ATP11B: variants seen among roughly 807,000 people sequenced by gnomAD.
ATP11B encodes phospholipid-transporting ATPase IF.
In ATP11B, 81 loss-of-function variants were observed where a neutral mutation model predicts 157.8. That is an observed-to-expected ratio of 0.51 (90% CI 0.43 to 0.62). The LOEUF (loss-of-function observed/expected upper bound fraction) is 0.62. Ranked by LOEUF, ATP11B falls within the 20% of genes least tolerant of loss-of-function variation. ATP11B has a pLI of 0.00. For synonymous variants in ATP11B, 451 were observed against 469.4 expected, an observed-to-expected ratio of 0.96 and a Z score of 0.51; for missense variants, 1,165 against 1,402.2, an observed-to-expected ratio of 0.83 and a Z score of 2.70.
At chr3:182,830,314 T>G (rs553384823) in intron 4 of ATP11B, among the ~76,000 whole-genome samples, 80 of 146,518 alleles carry the variant, frequency 5.5e-4, no homozygotes, top group African/African-American at 2.1e-3. Flanking sequence ...CAGAGTGAGA[T>G]CCTGTCTCAA....
intron 1 of ATP11B, among the ~76,000 whole-genome samples, chr3:182,807,855 C>A (rs1412942875): frequency 6.6e-6 from 1 of 151,950 alleles, no homozygotes; most frequent in Non-Finnish European, 1.5e-5. Flanking sequence ...GCGTGGTTTT[C>A]TCATTTTGGT....
chr3:182,835,794 G>A (rs1231016301), intron 4 of ATP11B, among the ~76,000 whole-genome samples: 1 of 152,080 alleles, frequency 6.6e-6, no homozygotes, highest in Non-Finnish European at 1.5e-5. Context: ...GCCTCCTTAA[G>A]GAAATTGAGA....
At chr3:182,903,001 T>C (rs1228316102) in intron 28 of ATP11B, among the ~76,000 whole-genome samples, 1 of 152,168 alleles carries the variant, frequency 6.6e-6, no homozygotes, top group Non-Finnish European at 1.5e-5. Context: ...TTTATGTTTG[T>C]GTATTGTAAT....
intron 29 of ATP11B, 156 bp from the exon 30 acceptor site, chr3:182,917,867 A>T: frequency 1.0e-5 from 10 of 982,878 alleles, no homozygotes; most frequent in Non-Finnish European, 1.2e-5. Context: ...ATAAATAGAA[A>T]GTTTGGGCAT....
In ATP11B at chr3:182,793,718, G is replaced by A. The variant is rs1715394707; in HGVS notation, c.-42G>A. The stretch of plus-strand genomic sequence containing the variant: ...TGTCGGCCTCCACCTGCAGCCCCGC[G>A]GCCCCCGCGCCCCGCGGGACCCGGA... On this transcript the variant is annotated 5_prime_UTR_variant, in exon 1 of 30. Coordinates refer to ENST00000323116, the MANE Select transcript of ATP11B (RefSeq NM_014616.3). 3 of 1,387,788 alleles carry A rather than the reference G, an allele frequency of 2.2e-6. No homozygotes were observed. The highest frequency in any genetic ancestry group is 6.5e-5 in the East Asian group (2 of 30,956). The allele number at this position is 1,387,788 out of a possible 1,614,324, so 86.0% of individuals were successfully genotyped here.
chr3:182,837,060 A>G lies in ATP11B; in HGVS notation c.553-11A>G, dbSNP rs746464929. ...ATCTGAAAACTCTACAGTTTAATTC[A>G]TTTTTTTCAGACACATGTGGCAGTT... On this transcript the variant is annotated splice_polypyrimidine_tract_variant and intron_variant, in intron 6 of 29. Coordinates refer to ENST00000323116, the MANE Select transcript of ATP11B (RefSeq NM_014616.3). The G allele has an allele frequency of 6.2e-7, 1 of 1,604,402 alleles. No homozygotes were observed. The highest frequency in any genetic ancestry group is 8.5e-7 in the Non-Finnish European group (1 of 1,172,928).
At chr3:182,829,603 T>G (rs1717975728) in intron 3 of ATP11B, 69 bp from the exon 4 acceptor site, 1 of 1,076,000 alleles carries the variant, frequency 9.3e-7, no homozygotes, top group Non-Finnish European at 1.4e-6. Flanking sequence ...ATGTGAAATT[T>G]TAGATGTTAA....
At chr3:182,878,792 T>C (rs1722225523) in intron 19 of ATP11B, among the ~76,000 whole-genome samples, 1 of 152,216 alleles carries the variant, frequency 6.6e-6, no homozygotes, top group Non-Finnish European at 1.5e-5. Context: ...TGAATCTTGC[T>C]CATGGGTTTT....
intron 21 of ATP11B, among the ~76,000 whole-genome samples, chr3:182,881,508 C>T (rs1465830563): frequency 6.6e-6 from 1 of 151,568 alleles, no homozygotes; most frequent in Non-Finnish European, 1.5e-5. Context: ...CGCCACTGCA[C>T]TCCAGCCTGG....
At position 182,872,487 on chromosome 3, in the gene ATP11B, G is replaced by A. The variant is rs758278249; in HGVS notation, c.1998G>A (p.Gln666=). ...AAGAGAAATTGGCAGCTGTTTTCCAGTTCATAGAGAAAGACCTGATATTAC... is the reference window on the plus strand; with the variant it reads ...AAGAGAAATTGGCAGCTGTTTTCCAATTCATAGAGAAAGACCTGATATTAC... The part of the protein sequence containing the change: ...QREEKLAAVF[Q]FIEKDLILLG... Residue 666 remains glutamine (Q), a synonymous_variant, in exon 18 of 30, where the codon CAG becomes CAA. Transcript: ENST00000323116. The A allele has an allele frequency of 1.2e-6, 2 of 1,614,120 alleles. No individual in the cohort carries two copies. Among genetic ancestry groups the A allele is most frequent in the East Asian group, 4.5e-5 (2 of 44,868 alleles).
intron 7 of ATP11B, among the ~76,000 whole-genome samples, chr3:182,839,695 C>T (rs1019385539): frequency 1.3e-5 from 2 of 152,010 alleles, no homozygotes; most frequent in African/African-American, 2.4e-5. Context: ...CTGCAACCCC[C>T]GGACTCCCGG....
chr3:182,821,188 C>G (rs1313306380), intron 2 of ATP11B, among the ~76,000 whole-genome samples: 1 of 152,118 alleles, frequency 6.6e-6, no homozygotes, highest in Non-Finnish European at 1.5e-5. Context: ...TGGCCCATTG[C>G]AACCTCTGCC....
intron 21 of ATP11B, among the ~76,000 whole-genome samples, chr3:182,882,712 C>A (rs1722511644): frequency 6.6e-6 from 1 of 152,012 alleles, no homozygotes; most frequent in African/African-American, 2.4e-5. Flanking sequence ...AAAGATCATG[C>A]AGAGGTAAAA....
At chr3:182,839,213 T>C (rs1394484933) in intron 7 of ATP11B, among the ~76,000 whole-genome samples, 1 of 152,134 alleles carries the variant, frequency 6.6e-6, no homozygotes, top group East Asian at 1.9e-4. Context: ...TCCTTACTTA[T>C]AAGTGGGAGC....
intron 19 of ATP11B, among the ~76,000 whole-genome samples, chr3:182,875,719 G>A (rs1310360600): frequency 6.6e-6 from 1 of 152,144 alleles, no homozygotes; most frequent in Non-Finnish European, 1.5e-5. Flanking sequence ...GGGATTATAG[G>A]TGTGAGCCAC....
At chr3:182,841,510 C>A (rs1027983231) in intron 7 of ATP11B, among the ~76,000 whole-genome samples, 3 of 152,160 alleles carry the variant, frequency 2.0e-5, no homozygotes, top group Non-Finnish European at 2.9e-5. Flanking sequence ...CAAAATGATC[C>A]AGATTCTTGC....
chr3:182,848,642 A>T, intron 10 of ATP11B, 85 bp downstream of exon 10: 1 of 540,310 alleles, frequency 1.9e-6, no homozygotes, highest in East Asian at 5.8e-5. Context: ...TATATATAAT[A>T]TATATTAAGT....
At chr3:182,824,140 G>C (rs1717564556) in intron 2 of ATP11B, among the ~76,000 whole-genome samples, 1 of 151,996 alleles carries the variant, frequency 6.6e-6, no homozygotes, top group African/African-American at 2.4e-5. Context: ...GTTCATTTTT[G>C]TTGTTGCAAG....
intron 28 of ATP11B, among the ~76,000 whole-genome samples, chr3:182,899,243 C>T (rs1723782623): frequency 6.6e-6 from 1 of 150,384 alleles, no homozygotes; most frequent in East Asian, 2.0e-4. Flanking sequence ...GCAAACTCTG[C>T]CTCCTGGGTT....
Sources: allele counts gnomAD v4.1 joint callset (sites outside exome capture counted in the v4.1 genomes callset), GRCh38; gene constraint gnomAD v4.1.1; transcripts MANE v1.5; gene names NCBI Gene and HGNC (gene_info 2026-07-23, HGNC 2026-07-21).